RTTN: variants seen among roughly 807,000 people sequenced by gnomAD.
RTTN encodes rotatin.
A neutral mutation model predicts 269.2 loss-of-function variants in RTTN; 182 were observed. That is an observed-to-expected ratio of 0.68 (90% CI 0.60 to 0.76). The LOEUF (loss-of-function observed/expected upper bound fraction) is 0.76. Among genes scored for constraint, RTTN ranks in the 30% least tolerant of loss-of-function variants. RTTN has a pLI of 0.00. For missense variants in RTTN, 2,545 were observed against 2,608.6 expected, an observed-to-expected ratio of 0.98 and a Z score of 0.53; for synonymous variants, 1,006 against 963.5, an observed-to-expected ratio of 1.04 and a Z score of -0.82.
At position 70,166,169 on chromosome 18, in the gene RTTN, T is replaced by A; in HGVS notation, c.1822A>T (p.Ser608Cys). 1 of 1,612,230 alleles carries A rather than the reference T, an allele frequency of 6.2e-7. No homozygotes were observed. Residue 608 changes from serine (S) to cysteine (C), a missense_variant, in exon 14 of 49, where the codon AGT (serine) becomes TGT (cysteine). By Grantham distance (112) the Ser-to-Cys change is moderately radical. Coordinates refer to ENST00000640769, the MANE Select transcript of RTTN (RefSeq NM_173630.4). ...CSKIWKSAQA[S>C]PLLQGESQKV... ...TGACTTTCTCCTTGTAGTAATGGAC[T>A]GGCCTGAGCAGATTTCCAGCTGGTG... is the stretch of plus-strand genomic sequence containing the variant.
At chr18:70,029,319 T>C (rs879833198) in intron 42 of RTTN, among the ~76,000 whole-genome samples, 20 of 152,220 alleles carry the variant, frequency 1.3e-4, no homozygotes, top group Non-Finnish European at 2.4e-4. Flanking sequence ...CATATATGTA[T>C]ATTTATATAT....
chr18:70,138,251 C>A (rs1023433641), intron 21 of RTTN: 1 of 152,144 alleles, frequency 6.6e-6, no homozygotes. Flanking sequence ...TGCACTCCAG[C>A]CTGGGTGATA....
chr18:70,132,623 ATTCG>A (rs761934609), intron 23 of RTTN, among the ~76,000 whole-genome samples: 43 of 152,198 alleles, frequency 2.8e-4, no homozygotes, highest in Non-Finnish European at 5.9e-4. Flanking sequence ...GGCATATCAA[ATTCG>A]TGGAATATAC....
intron 28 of RTTN, among the ~76,000 whole-genome samples, chr18:70,102,245 T>C (rs906401440): frequency 5.9e-5 from 9 of 152,238 alleles, no homozygotes; most frequent in African/African-American, 1.9e-4. Flanking sequence ...ACTTGCTTTA[T>C]GAATCTGGGT....
chr18:70,019,570 T>C (rs1477551243), intron 45 of RTTN: 1 of 152,054 alleles, frequency 6.6e-6, no homozygotes, highest in Non-Finnish European at 1.5e-5. Flanking sequence ...AAACAACTGA[T>C]TGTGGTGAGG....
intron 11 of RTTN, among the ~76,000 whole-genome samples, chr18:70,172,832 A>G (rs910174941): frequency 1.3e-5 from 2 of 152,202 alleles, no homozygotes; most frequent in Non-Finnish European, 2.9e-5. Flanking sequence ...AACTGATAGG[A>G]TAAGTTTTCC....
chr18:70,201,562 C>G (rs528116630), intron 4 of RTTN, among the ~76,000 whole-genome samples: 1 of 143,878 alleles, frequency 7.0e-6, no homozygotes, highest in East Asian at 2.0e-4. Context: ...GAGCCGAGAT[C>G]CCACCACTGC....
At chr18:70,171,980 T>C (rs936396855) in intron 11 of RTTN, among the ~76,000 whole-genome samples, 1 of 152,198 alleles carries the variant, frequency 6.6e-6, no homozygotes, top group African/African-American at 2.4e-5. Context: ...CTAAAGACCT[T>C]GTGTTACAAA....
intron 14 of RTTN, among the ~76,000 whole-genome samples, chr18:70,161,793 G>A (rs1178233580): frequency 1.3e-5 from 2 of 152,124 alleles, no homozygotes; most frequent in African/African-American, 2.4e-5. Flanking sequence ...AAACCACAAT[G>A]AGATATCATC....
rs2061590167 is a variant in RTTN at position 70,188,174 on chromosome 18, C to T, written c.1239G>A (p.Met413Ile). ...IRVLELLTED[M>I]TLIGEAISTD... ...TTGAAATTGCTTCACCAATAAGTGTCATATCCTCTGTAAGCAATTCCAGAA... is the reference window on the plus strand; with the variant it reads ...TTGAAATTGCTTCACCAATAAGTGTTATATCCTCTGTAAGCAATTCCAGAA... The change falls in exon 10 of 49, where the codon ATG becomes ATA. Residue 413 changes from methionine (M) to isoleucine (I), a missense_variant. Physicochemically the swap from Met to Ile is conservative, Grantham distance 10. Transcript: ENST00000640769. 1 of 1,612,298 alleles carries T rather than the reference C, an allele frequency of 6.2e-7. No individual in the cohort carries two copies. Among genetic ancestry groups the T allele is most frequent in the Non-Finnish European group, 8.5e-7 (1 of 1,178,716 alleles).
At chr18:70,035,356 A>G (rs2057140503) in intron 40 of RTTN, among the ~76,000 whole-genome samples, 1 of 152,236 alleles carries the variant, frequency 6.6e-6, no homozygotes, top group Admixed American at 6.5e-5. Flanking sequence ...TGGTATAAAA[A>G]ATAAACACAT....
intron 34 of RTTN, among the ~76,000 whole-genome samples, chr18:70,071,398 A>T (rs1027178663): frequency 1.3e-5 from 2 of 152,058 alleles, no homozygotes; most frequent in African/African-American, 4.8e-5. Flanking sequence ...TGATAAATTT[A>T]AAAAAATACA....
chr18:70,188,234 A>C lies in RTTN; in HGVS notation c.1190-11T>G. The C allele has an allele frequency of 2.8e-6, 4 of 1,448,726 alleles. No homozygotes were observed. Among genetic ancestry groups the C allele is most frequent in the Non-Finnish European group, 2.9e-6 (3 of 1,035,580 alleles). 89.7% of individuals were successfully genotyped at this position (1,448,726 alleles called of 1,614,324 possible). On this transcript the variant is annotated splice_polypyrimidine_tract_variant and intron_variant, in intron 9 of 48. Coordinates refer to ENST00000640769, the MANE Select transcript of RTTN (RefSeq NM_173630.4). ...TCACTTGTCTGCTACCTAGGAATAC[A>C]AACAGAAAAAAGTAAAGGAGAAGAA...
chr18:70,138,002 G>A (rs1344266391), intron 21 of RTTN, among the ~76,000 whole-genome samples: 1 of 152,172 alleles, frequency 6.6e-6, no homozygotes, highest in Non-Finnish European at 1.5e-5. Flanking sequence ...TTTTCGGCCA[G>A]GCACAGTGGC....
chr18:70,029,949 T>C (rs1001871476), intron 42 of RTTN, 63 bp downstream of exon 42: 5 of 1,183,438 alleles, frequency 4.2e-6, no homozygotes, highest in Admixed American at 3.8e-5. Context: ...TGCTCATTTC[T>C]AGGCACAAGA....
intron 46 of RTTN, among the ~76,000 whole-genome samples, chr18:70,017,051 T>C (rs1020837952): frequency 1.3e-5 from 2 of 152,064 alleles, no homozygotes; most frequent in African/African-American, 4.8e-5. Context: ...AGAGGCTTCA[T>C]TGACATAGTA....
At chr18:70,201,302 C>T (rs1418786964) in intron 4 of RTTN, among the ~76,000 whole-genome samples, 2 of 152,084 alleles carry the variant, frequency 1.3e-5, no homozygotes, top group African/African-American at 4.8e-5. Flanking sequence ...GGGCACAATG[C>T]CTCAAAAAAC....
chr18:70,149,185 T>C, intron 16 of RTTN, 148 bp from the exon 17 acceptor site: 2 of 686,766 alleles, frequency 2.9e-6, no homozygotes, highest in Non-Finnish European at 4.6e-6. Flanking sequence ...AAATAACTTC[T>C]ATGAGCCAAG....
At chr18:70,133,843 T>C (rs1294791411) in intron 23 of RTTN, among the ~76,000 whole-genome samples, 1 of 152,180 alleles carries the variant, frequency 6.6e-6, no homozygotes, top group Non-Finnish European at 1.5e-5. Flanking sequence ...GTATGCTTTA[T>C]GTACGATATA....
Sources: allele counts gnomAD v4.1 joint callset (sites outside exome capture counted in the v4.1 genomes callset), GRCh38; gene constraint gnomAD v4.1.1; transcripts MANE v1.5; gene names NCBI Gene and HGNC (gene_info 2026-07-23, HGNC 2026-07-21).